NLRP5: variants seen among roughly 807,000 people sequenced by gnomAD.
The protein encoded by NLRP5 is NLR family pyrin domain containing 5, also known as NACHT, LRR and PYD domains-containing protein 5.
A neutral mutation model predicts 113.1 loss-of-function variants in NLRP5; 93 were observed. The ratio of observed to expected loss-of-function variants is 0.82; its 90% confidence interval spans 0.70 to 0.98. The LOEUF is 0.98. Among genes scored for constraint, NLRP5 ranks in the 50% least tolerant of loss-of-function variants. The probability of loss-of-function intolerance (pLI) is 0.00; values close to 1 mark genes in which losing one functional copy is unlikely to be tolerated. For synonymous variants in NLRP5, 751 were observed against 600.7 expected, an observed-to-expected ratio of 1.25 and a Z score of -3.66; for missense variants, 1,808 against 1,514.3, an observed-to-expected ratio of 1.19 and a Z score of -3.22.
At chr19:56,039,129 C>T (rs1983426733) in intron 10 of NLRP5, among the ~76,000 whole-genome samples, 1 of 145,326 alleles carries the variant, frequency 6.9e-6, no homozygotes, top group Non-Finnish European at 1.5e-5. Flanking sequence ...GTCTACGGAG[C>T]AGGTGCTGTT....
chr19:56,004,135 G>T, intron 2 of NLRP5, 40 bp downstream of exon 2: 1 of 1,548,366 alleles, frequency 6.5e-7, no homozygotes, highest in South Asian at 1.2e-5. Context: ...AGGGAGGGGA[G>T]GTGATTTCAG....
Position 56,053,676 on chromosome 19 carries a change from G to A in NLRP5, c.3167G>A (p.Ser1056Asn), listed in dbSNP as rs1156797999. The change falls in exon 13 of 15, where the codon AGT becomes AAT. Residue 1056 changes from serine (S) to asparagine (N), a missense_variant. By Grantham distance (46) the Ser-to-Asn change is conservative (BLOSUM62 1). Coordinates refer to ENST00000390649, the MANE Select transcript of NLRP5 (RefSeq NM_153447.4). ...CATCTCACCGCCGCGTGCTGTGAGAGTCTGTCCTGTGTGATCTCGAGGAGC... is the reference window on the plus strand; with the variant it reads ...CATCTCACCGCCGCGTGCTGTGAGAATCTGTCCTGTGTGATCTCGAGGAGC... The A allele has an allele frequency of 6.2e-7, 1 of 1,613,956 alleles. No individual in the cohort carries two copies. The highest frequency in any genetic ancestry group is 2.2e-5 in the East Asian group (1 of 44,882).
At chr19:56,007,761 G>GT (rs1981980212) in intron 2 of NLRP5, among the ~76,000 whole-genome samples, 2 of 145,574 alleles carry the variant, frequency 1.4e-5, no homozygotes, top group South Asian at 2.1e-4. Context: ...AGGGAGACGA[G>GT]TTTGAGGTCT....
chr19:55,996,548 C>T (rs1288047579), upstream of NLRP5, among the ~76,000 whole-genome samples: 1 of 152,112 alleles, frequency 6.6e-6, no homozygotes, highest in African/African-American at 2.4e-5. Flanking sequence ...CAAGTGTTCT[C>T]ATTGTTCAGT....
In NLRP5 at chr19:56,050,442, G is replaced by T; in HGVS notation, c.2982G>T (p.Thr994=). ...GGCTGAATCAGTGCCACCTGGACAC[G>T]GCTGGCTGTGGTTTTCTTGCACTTG... Residue 994 remains threonine (T), a synonymous_variant, in exon 12 of 15, where the codon ACG becomes ACT. Transcript: ENST00000390649. The T allele has an allele frequency of 6.2e-7, 1 of 1,613,778 alleles. No individual in the cohort carries two copies. The highest frequency in any genetic ancestry group is 1.1e-5 in the South Asian group (1 of 91,068).
In NLRP5 at chr19:56,028,347, A is replaced by G; in HGVS notation, c.2114A>G (p.Asn705Ser). ...AAAGAGTTTGTTCGCTTGGCATTAAACAGCTTCCAAGAAGTGTGGCTTCCG... is the reference window on the plus strand; with the variant it reads ...AAAGAGTTTGTTCGCTTGGCATTAAGCAGCTTCCAAGAAGTGTGGCTTCCG... The change falls in exon 7 of 15, where the codon AAC becomes AGC. Residue 705 changes from asparagine (N) to serine (S), a missense_variant. Physicochemically the swap from Asn to Ser is conservative, Grantham distance 46. Transcript: ENST00000390649. The G allele has an allele frequency of 1.2e-6, 2 of 1,613,950 alleles. No individual in the cohort carries two copies. The highest frequency in any genetic ancestry group is 1.7e-6 in the Non-Finnish European group (2 of 1,179,874).
chr19:56,011,580 C>A (rs1982194414), intron 3 of NLRP5, among the ~76,000 whole-genome samples: 1 of 151,984 alleles, frequency 6.6e-6, no homozygotes, highest in African/African-American at 2.4e-5. Flanking sequence ...ACTACAAAGC[C>A]CAGAGAGACA....
chr19:56,025,786 G>A (rs1320973507), intron 6 of NLRP5, among the ~76,000 whole-genome samples: 8 of 152,042 alleles, frequency 5.3e-5, no homozygotes, highest in Admixed American at 4.6e-4. Flanking sequence ...GGGCACACCT[G>A]TCCTACAGGT....
At chr19:55,992,181 C>G in the NLRP5 span, among the ~76,000 whole-genome samples, 1 of 152,274 alleles carries the variant, frequency 6.6e-6, no homozygotes, top group South Asian at 2.1e-4. Flanking sequence ...CATCCATGTT[C>G]CCACAAAAGA....
rs369791138 is a variant in NLRP5, at chr19:56,027,225, G to C, written c.992G>C (p.Ser331Thr). 12 of 1,612,430 alleles carry C rather than the reference G, an allele frequency of 7.4e-6. No individual in the cohort carries two copies. The highest frequency in any genetic ancestry group is 3.3e-5 in the South Asian group (3 of 90,772). ...GAGATGCAGCGGAAGAAGGAGAGCA[G>C]TGTCACAGAGTTCATCTCCAGGGAG... Residue 331 changes from serine to threonine, a missense_variant, in exon 7 of 15, where the codon AGT becomes ACT. Physicochemically the swap from Ser to Thr is moderately conservative, Grantham distance 58. Coordinates refer to ENST00000390649, the MANE Select transcript of NLRP5 (RefSeq NM_153447.4).
At chr19:56,053,170 C>T (rs770982126) in intron 12 of NLRP5, among the ~76,000 whole-genome samples, 2 of 151,918 alleles carry the variant, frequency 1.3e-5, no homozygotes, top group African/African-American at 2.4e-5. Flanking sequence ...CCGAGGCAGG[C>T]GGATCACCTG....
intron 14 of NLRP5, 123 bp downstream of exon 14, chr19:56,058,533 T>C (rs1002920486): frequency 2.5e-5 from 20 of 798,424 alleles, no homozygotes; most frequent in Admixed American, 5.0e-5. Flanking sequence ...TTTTACTCCA[T>C]TGGTGAGTGC....
At chr19:55,998,694 A>ATGTGTGTG (rs1555762415), upstream of NLRP5, among the ~76,000 whole-genome samples, 1 of 58,048 alleles carries the variant, frequency 1.7e-5, no homozygotes, top group African/African-American at 7.6e-5. Flanking sequence ...ATATATATAT[A>ATGTGTGTG]TATATATATG....
intron 6 of NLRP5, among the ~76,000 whole-genome samples, chr19:56,022,705 T>C (rs1392680672): frequency 6.6e-6 from 1 of 152,180 alleles, no homozygotes; most frequent in Non-Finnish European, 1.5e-5. Flanking sequence ...ATATTTTTTG[T>C]TAGAAGTAAA....
At chr19:56,005,801 GAGCT>G (rs1198396230) in intron 2 of NLRP5, among the ~76,000 whole-genome samples, 4 of 152,180 alleles carry the variant, frequency 2.6e-5, no homozygotes, top group Non-Finnish European at 5.9e-5. Flanking sequence ...ATAAAAATGA[GAGCT>G]AGGGTTTATC....
intron 5 of NLRP5, among the ~76,000 whole-genome samples, chr19:56,019,724 A>G (rs928798622): frequency 6.6e-6 from 1 of 152,194 alleles, no homozygotes; most frequent in African/African-American, 2.4e-5. Flanking sequence ...TTCAAACTTA[A>G]GTGGCAGTAA....
intron 3 of NLRP5, among the ~76,000 whole-genome samples, chr19:56,014,938 G>T (rs12151117): frequency 6.6e-6 from 1 of 151,880 alleles, no homozygotes; most frequent in African/African-American, 2.4e-5. Flanking sequence ...ATTTCTGCAA[G>T]CAAAAAAAGG....
At chr19:56,008,961 C>T in intron 3 of NLRP5, 108 bp downstream of exon 3, 5 of 905,070 alleles carry the variant, frequency 5.5e-6, no homozygotes, top group Non-Finnish European at 8.9e-6. Flanking sequence ...AGTGTTCTTT[C>T]TAGTCTAACT....
At chr19:56,039,086 C>T (rs920686410) in intron 10 of NLRP5, among the ~76,000 whole-genome samples, 2 of 152,170 alleles carry the variant, frequency 1.3e-5, no homozygotes, top group African/African-American at 4.8e-5. Flanking sequence ...GCTAAAATCC[C>T]TCCAACCCTT....
Sources: allele counts gnomAD v4.1 joint callset (sites outside exome capture counted in the v4.1 genomes callset), GRCh38; gene constraint gnomAD v4.1.1; transcripts MANE v1.5; gene names NCBI Gene and HGNC (gene_info 2026-07-23, HGNC 2026-07-21).